HERC2: variants seen among roughly 807,000 people sequenced by gnomAD.
The protein encoded by HERC2 is E3 ubiquitin-protein ligase HERC2.
A neutral mutation model predicts 537.7 loss-of-function variants in HERC2; 102 were observed. That is an observed-to-expected ratio of 0.19 (90% CI 0.16 to 0.22). The LOEUF (loss-of-function observed/expected upper bound fraction) is 0.22. Ranked by LOEUF, HERC2 falls within the 10% of genes least tolerant of loss-of-function variation. The probability of loss-of-function intolerance (pLI) is 1.00; values close to 1 mark genes in which losing one functional copy is unlikely to be tolerated. For missense variants in HERC2, 4,236 were observed against 6,198.2 expected (o/e 0.68, Z 10.63); for synonymous variants, 2,224 against 2,466.2 (o/e 0.90, Z 2.91).
intron 67 of HERC2, among the ~76,000 whole-genome samples, 194 bp from the exon 68 acceptor site, chr15:28,168,021 A>T (rs1484445260): frequency 6.6e-6 from 1 of 152,230 alleles, no homozygotes; most frequent in Non-Finnish European, 1.5e-5. Flanking sequence ...ACAGTTTTGC[A>T]AAGTCAAGCA....
chr15:28,214,493 G>T (rs1323533573), intron 40 of HERC2, among the ~76,000 whole-genome samples, 162 bp downstream of exon 40: 1 of 151,036 alleles, frequency 6.6e-6, no homozygotes, highest in Non-Finnish European at 1.5e-5. Context: ...GCAGTACACC[G>T]CTCTTCACCA....
chr15:28,247,962 G>A (rs377603097), intron 21 of HERC2, among the ~76,000 whole-genome samples: 9 of 152,188 alleles, frequency 5.9e-5, no homozygotes, highest in East Asian at 3.8e-4. Flanking sequence ...AGGGCCAGCC[G>A]CTGCCCTGGA....
chr15:28,153,438 G>C (rs927139531), intron 69 of HERC2, among the ~76,000 whole-genome samples: 1 of 152,114 alleles, frequency 6.6e-6, no homozygotes, highest in Non-Finnish European at 1.5e-5. Context: ...CAGATCACTG[G>C]AGGTCAGGAG....
At chr15:28,287,241 G>T (rs191963971) in intron 4 of HERC2, among the ~76,000 whole-genome samples, 1 of 152,240 alleles carries the variant, frequency 6.6e-6, no homozygotes, top group Admixed American at 6.5e-5. Context: ...AACAGAAAAA[G>T]AAATGAAAGG....
chr15:28,219,706 C>G (rs1169124486), intron 37 of HERC2, among the ~76,000 whole-genome samples: 2 of 152,186 alleles, frequency 1.3e-5, no homozygotes, highest in Non-Finnish European at 2.9e-5. Context: ...TCTAAGATCT[C>G]GTGCTCACTG....
chr15:28,230,567 A>G, intron 30 of HERC2, 67 bp from the exon 31 acceptor site: 3 of 1,081,196 alleles, frequency 2.8e-6, no homozygotes, highest in Non-Finnish European at 4.1e-6. Flanking sequence ...ATTAAGAAAT[A>G]CTTAGATTTA....
chr15:28,162,510 G>A (rs1183285847), intron 69 of HERC2, among the ~76,000 whole-genome samples: 1 of 152,072 alleles, frequency 6.6e-6, no homozygotes, highest in Non-Finnish European at 1.5e-5. Context: ...AAAATAAACT[G>A]GGGTGGAAAC....
Position 28,174,616 on chromosome 15 carries a change from T to C in HERC2, c.9836A>G (p.Tyr3279Cys). The C allele has an allele frequency of 1.3e-6, 2 of 1,592,498 alleles. No homozygotes were observed. Among genetic ancestry groups the C allele is most frequent in the Non-Finnish European group, 1.7e-6 (2 of 1,162,374 alleles). ...CLAVTDSGQV[Y>C]AWGDNDHGQQ... ...GCCGTGGTCGTTGTCACCCCAAGCA[T>C]ACACCTGTTTACGAGGAGAAAAAAG... is the stretch of plus-strand genomic sequence containing the variant. Residue 3279 changes from tyrosine to cysteine, a missense_variant, in exon 65 of 93, where the codon TAT becomes TGT. Physicochemically the swap from Tyr to Cys is radical, Grantham distance 194. Transcript: ENST00000261609.
chr15:28,308,213 C>G (rs1018794031), intron 2 of HERC2, among the ~76,000 whole-genome samples: 2 of 152,120 alleles, frequency 1.3e-5, no homozygotes, highest in Non-Finnish European at 2.9e-5. Flanking sequence ...TCTTTTGTGT[C>G]TTCTTTAATG....
At chr15:28,253,659 C>G (rs191776428) in intron 20 of HERC2, among the ~76,000 whole-genome samples, 92 of 152,354 alleles carry the variant, frequency 6.0e-4, no homozygotes, top group African/African-American at 2.1e-3. Context: ...AACCAATAAT[C>G]ACCTACTAAA....
At chr15:28,197,259 C>G (rs1897431500) in intron 50 of HERC2, among the ~76,000 whole-genome samples, 1 of 152,160 alleles carries the variant, frequency 6.6e-6, no homozygotes, top group South Asian at 2.1e-4. Flanking sequence ...TTTATGGCAT[C>G]AAGAGTTTAT....
At chr15:28,145,400 C>A (rs1891633007) in intron 71 of HERC2, among the ~76,000 whole-genome samples, 1 of 152,204 alleles carries the variant, frequency 6.6e-6, no homozygotes, top group South Asian at 2.1e-4. Context: ...GGACCATCTG[C>A]CAGCAGCTCA....
At chr15:28,232,000 G>A (rs1354674045) in intron 30 of HERC2, among the ~76,000 whole-genome samples, 2 of 152,094 alleles carry the variant, frequency 1.3e-5, no homozygotes, top group African/African-American at 4.8e-5. Context: ...CTGGGCCCAG[G>A]CTGAGTTCCT....
intron 2 of HERC2, among the ~76,000 whole-genome samples, chr15:28,300,150 A>C (rs1345641819): frequency 6.6e-6 from 1 of 152,008 alleles, no homozygotes; most frequent in Non-Finnish European, 1.5e-5. Flanking sequence ...AGCAAGTACC[A>C]ATGACTACCT....
At chr15:28,214,324 A>C (rs779420973) in intron 40 of HERC2, 52 bp from the exon 41 acceptor site, 1 of 1,485,808 alleles carries the variant, frequency 6.7e-7, no homozygotes, top group South Asian at 1.1e-5. Context: ...ACCAGGGCAC[A>C]GGGAAAGGAG....
At chr15:28,172,032 G>A (rs766332219) in intron 65 of HERC2, among the ~76,000 whole-genome samples, 7 of 146,994 alleles carry the variant, frequency 4.8e-5, no homozygotes, top group South Asian at 2.1e-4. Flanking sequence ...CCGAGATTGC[G>A]CCACTGCACT....
chr15:28,117,776 A>C, intron 86 of HERC2: 1 of 354,616 alleles, frequency 2.8e-6, no homozygotes, highest in South Asian at 2.1e-5. Context: ...TTCTCATCCT[A>C]AGCTACAATT....
chr15:28,161,601 C>T (rs1893603757), intron 69 of HERC2, among the ~76,000 whole-genome samples: 3 of 152,204 alleles, frequency 2.0e-5, no homozygotes, highest in Admixed American at 2.0e-4. Context: ...CTACTAGCCA[C>T]ATGTGCCTCA....
Position 28,175,560 on chromosome 15 carries a change from A to G in HERC2, c.9783T>C (p.His3261=), listed in dbSNP as rs749829091. Residue 3261 remains histidine, a synonymous_variant, in exon 64 of 93, where the codon CAT becomes CAC. Transcript: ENST00000261609. The stretch of plus-strand genomic sequence containing the variant: ...GGCAGTGCAGGGCCCCGACAGCCAC[A>G]TGCACGATCTTCTTCCCTCTCAGCC... The part of the protein sequence containing the change: ...VEGLRGKKIV[H]VAVGALHCLA... 8 of 1,613,906 alleles carry G rather than the reference A, an allele frequency of 5.0e-6. No individual in the cohort carries two copies. The highest frequency in any genetic ancestry group is 1.7e-5 in the Admixed American group (1 of 59,990).
Sources: allele counts gnomAD v4.1 joint callset (sites outside exome capture counted in the v4.1 genomes callset), GRCh38; gene constraint gnomAD v4.1.1; transcripts MANE v1.5; gene names NCBI Gene and HGNC (gene_info 2026-07-23, HGNC 2026-07-21).